FBXO34: variants seen among roughly 807,000 people sequenced by gnomAD.
FBXO34 encodes the protein F-box protein 34.
A neutral mutation model predicts 24.5 loss-of-function variants in FBXO34; 12 were observed. The ratio of observed to expected loss-of-function variants is 0.49; its 90% CI spans 0.31 to 0.79. The LOEUF is 0.79. FBXO34 is among the 30% of genes least tolerant of loss of function. FBXO34 has a pLI of 0.04. For missense variants in FBXO34, 823 were observed against 857.7 expected (o/e 0.96, Z 0.51); for synonymous variants, 320 against 311.9 (o/e 1.03, Z -0.27).
intron 1 of FBXO34, among the ~76,000 whole-genome samples, chr14:55,333,048 A>T (rs1329915448): frequency 1.3e-5 from 2 of 152,220 alleles, no homozygotes; most frequent in Non-Finnish European, 2.9e-5. Context: ...TTTAGGGAAG[A>T]TGTGCGTGTT....
the FBXO34 span, among the ~76,000 whole-genome samples, chr14:55,392,576 G>T: frequency 6.6e-6 from 1 of 150,708 alleles, no homozygotes; most frequent in Non-Finnish European, 1.5e-5. Context: ...TTGAGCCCAG[G>T]AGGCAGAGGT....
chr14:55,345,483 A>G (rs552268913), intron 1 of FBXO34, among the ~76,000 whole-genome samples: 16 of 152,258 alleles, frequency 1.1e-4, no homozygotes, highest in South Asian at 4.2e-4. Flanking sequence ...ACCTGTTCCT[A>G]TACCCTCAGG....
chr14:55,357,008 G>C (rs918312287), downstream of FBXO34, among the ~76,000 whole-genome samples: 2 of 152,180 alleles, frequency 1.3e-5, no homozygotes, highest in African/African-American at 4.8e-5. Flanking sequence ...AAAAGCTAGT[G>C]TTGCAATCTT....
downstream of FBXO34, among the ~76,000 whole-genome samples, chr14:55,371,173 G>A (rs895350771): frequency 1.3e-5 from 2 of 152,148 alleles, no homozygotes; most frequent in African/African-American, 4.8e-5. Context: ...AACGACTTTG[G>A]GGAAAATAGG....
the FBXO34 span, among the ~76,000 whole-genome samples, chr14:55,404,629 A>C: frequency 6.6e-6 from 1 of 152,238 alleles, no homozygotes; most frequent in African/African-American, 2.4e-5. Context: ...TGGGCATTCC[A>C]GGAATCTTCA....
intron 1 of FBXO34, among the ~76,000 whole-genome samples, chr14:55,278,714 T>TG (rs1437701285): frequency 2.6e-5 from 4 of 152,204 alleles, no homozygotes; most frequent in Non-Finnish European, 4.4e-5. Flanking sequence ...TTGAGACAGG[T>TG]GCTTGATCTG....
At chr14:55,281,874 C>T (rs116800438) in intron 1 of FBXO34, among the ~76,000 whole-genome samples, 2,970 of 151,918 alleles carry the variant, frequency 0.02, 73 homozygotes, top group African/African-American at 0.068. Flanking sequence ...AGGCACATAT[C>T]GAAGGCTTAG....
the FBXO34 span, chr14:55,424,125 A>C: frequency 6.7e-7 from 1 of 1,502,060 alleles, no homozygotes; most frequent in Admixed American, 1.7e-5. Flanking sequence ...TAGCAATTAC[A>C]TTTTATGAGT....
intron 1 of FBXO34, among the ~76,000 whole-genome samples, chr14:55,342,275 T>C (rs1481658923): frequency 1.3e-5 from 2 of 152,234 alleles, no homozygotes; most frequent in Non-Finnish European, 2.9e-5. Context: ...TGAGCAGTTT[T>C]TGAAAACCAT....
chr14:55,406,964 CT>C, the FBXO34 span, among the ~76,000 whole-genome samples: 715 of 141,314 alleles, frequency 5.1e-3, 3 homozygotes, highest in African/African-American at 0.01. Flanking sequence ...TTGAGATTGT[CT>C]TTTTTTTTTT....
chr14:55,419,929 T>G, the FBXO34 span, among the ~76,000 whole-genome samples: 1 of 152,226 alleles, frequency 6.6e-6, no homozygotes, highest in Non-Finnish European at 1.5e-5. Flanking sequence ...AGAACATCTC[T>G]GTAGAGTACC....
the FBXO34 span, among the ~76,000 whole-genome samples, chr14:55,410,198 A>AT: frequency 6.6e-6 from 1 of 152,216 alleles, no homozygotes; most frequent in South Asian, 2.1e-4. Flanking sequence ...TAAAATGAAG[A>AT]TATCTATTAC....
chr14:55,411,854 ATT>A, the FBXO34 span: 6 of 1,547,874 alleles, frequency 3.9e-6, no homozygotes, highest in Middle Eastern at 2.2e-4. Context: ...GTCACGTGGG[ATT>A]TTGTTTTCAA....
chr14:55,439,617 C>CCCCGCCCG, the FBXO34 span, among the ~76,000 whole-genome samples: 5 of 72,628 alleles, frequency 6.9e-5, no homozygotes, highest in African/African-American at 2.2e-4. Flanking sequence ...AAAGCAAACC[C>CCCCGCCCG]CCCCCCGTCT....
chr14:55,321,204 A>G (rs1883122944), intron 1 of FBXO34, among the ~76,000 whole-genome samples: 1 of 150,980 alleles, frequency 6.6e-6, no homozygotes, highest in African/African-American at 2.4e-5. Flanking sequence ...CAAAAAATAG[A>G]TGATACTTAT....
downstream of FBXO34, chr14:55,370,044 T>TC: frequency 1.1e-6 from 1 of 934,642 alleles, no homozygotes; most frequent in Non-Finnish European, 1.6e-6. Context: ...CCCCATTCAT[T>TC]CCCCAAGTCT....
intron 1 of FBXO34, among the ~76,000 whole-genome samples, chr14:55,309,108 CTG>C (rs1320317197): frequency 2.0e-5 from 3 of 151,520 alleles, no homozygotes; most frequent in Admixed American, 1.3e-4. Flanking sequence ...ACTATTTTAA[CTG>C]TATTTTAATA....
intron 1 of FBXO34, among the ~76,000 whole-genome samples, chr14:55,349,702 G>C (rs1162473760): frequency 1.3e-5 from 2 of 148,148 alleles, no homozygotes; most frequent in African/African-American, 2.5e-5. Flanking sequence ...CTGCCCCTAG[G>C]TTAAAGCAAT....
At chr14:55,308,156 A>G (rs890358416) in intron 1 of FBXO34, among the ~76,000 whole-genome samples, 10 of 152,322 alleles carry the variant, frequency 6.6e-5, no homozygotes, top group African/African-American at 2.2e-4. Flanking sequence ...ACAGACTAAT[A>G]CAGAGGGTCA....
Sources: allele counts gnomAD v4.1 joint callset (sites outside exome capture counted in the v4.1 genomes callset), GRCh38; gene constraint gnomAD v4.1.1; transcripts MANE v1.5; gene names NCBI Gene and HGNC (gene_info 2026-07-23, HGNC 2026-07-21).